Variants in TLK1 observed in about 807,000 individuals in gnomAD.
The protein encoded by TLK1 is tousled like kinase 1, also known as serine/threonine-protein kinase tousled-like 1.
In TLK1, 24 loss-of-function variants were observed where a neutral mutation model predicts 105.3. The ratio of observed to expected loss-of-function variants is 0.23; its 90% CI spans 0.17 to 0.32. The LOEUF is 0.32. Among genes scored for constraint, TLK1 ranks in the 10% least tolerant of loss-of-function variants. TLK1 has a pLI of 1.00. For missense variants in TLK1, 558 were observed against 910.5 expected, an observed-to-expected ratio of 0.61 and a Z score of 4.98; for synonymous variants, 321 against 310.4, an observed-to-expected ratio of 1.03 and a Z score of -0.36.
intron 1 of TLK1, among the ~76,000 whole-genome samples, chr2:171,132,018 A>G (rs1390327214): frequency 2.0e-5 from 3 of 152,110 alleles, no homozygotes; most frequent in Non-Finnish European, 4.4e-5. Context: ...CATCCATCCA[A>G]TTCTCAGTTT....
chr2:171,225,010 G>C (rs775361016), intron 1 of TLK1, among the ~76,000 whole-genome samples: 12 of 152,068 alleles, frequency 7.9e-5, no homozygotes, highest in Non-Finnish European at 1.6e-4. Flanking sequence ...CATATACAAA[G>C]GAATGAATTT....
At chr2:171,161,140 G>C (rs1029228987), upstream of TLK1, among the ~76,000 whole-genome samples, 32 of 147,964 alleles carry the variant, frequency 2.2e-4, 1 homozygote, top group Non-Finnish European at 4.5e-5. Context: ...CGGGAGCCCG[G>C]GGTTGCCGGA....
chr2:171,109,002 C>A lies in TLK1; in HGVS notation c.258+8737G>T, dbSNP rs578019188. On this transcript the variant is annotated intron_variant, in intron 2 of 20. Coordinates refer to ENST00000431350, the MANE Select transcript of TLK1 (RefSeq NM_012290.5). ...ATTAACAGTAAGTAGTATACAGTCA[C>A]AAAAAGAATAGAACAAGAGATACAC... 1.6e-3 allele frequency among the ~76,000 whole-genome samples: 240 copies of A among 152,182 alleles called. 2 individuals are homozygous for A. Among genetic ancestry groups the A allele is most frequent in the African/African-American group, 4.9e-3 (202 of 41,530 alleles).
chr2:171,026,051 G>T (rs895359942), intron 12 of TLK1, among the ~76,000 whole-genome samples: 1 of 152,016 alleles, frequency 6.6e-6, no homozygotes, highest in African/African-American at 2.4e-5. Context: ...CATGATGAAG[G>T]TCAAAGAAAA....
At chr2:171,171,833 T>C (rs2105302711) in intron 1 of TLK1, among the ~76,000 whole-genome samples, 1 of 152,260 alleles carries the variant, frequency 6.6e-6, no homozygotes, top group East Asian at 1.9e-4. Flanking sequence ...TCCCACACAC[T>C]GGTGGAAGTG....
At chr2:171,218,551 A>G (rs1220434343) in intron 1 of TLK1, among the ~76,000 whole-genome samples, 1 of 152,202 alleles carries the variant, frequency 6.6e-6, no homozygotes, top group Non-Finnish European at 1.5e-5. Context: ...TGGGTAATTT[A>G]TAAACAATGG....
At position 171,056,570 on chromosome 2, in the gene TLK1, A is replaced by T; in HGVS notation, c.454-4T>A. 7 of 1,609,180 alleles carry T rather than the reference A, an allele frequency of 4.4e-6. No individual in the cohort carries two copies. The highest frequency in any genetic ancestry group is 6.0e-6 in the Non-Finnish European group (7 of 1,176,452). On this transcript the variant is annotated splice_region_variant and splice_polypyrimidine_tract_variant and intron_variant, in intron 5 of 20. Transcript: ENST00000431350. ...TTGAGCCATTTCCACCCTGGTACTGAGTAAAAGAAAAAGGAAGCATTATTA... is the reference window on the plus strand; with the variant it reads ...TTGAGCCATTTCCACCCTGGTACTGTGTAAAAGAAAAAGGAAGCATTATTA...
intron 5 of TLK1, among the ~76,000 whole-genome samples, chr2:171,056,879 C>T (rs1220390422): frequency 6.6e-6 from 1 of 151,904 alleles, no homozygotes; most frequent in Non-Finnish European, 1.5e-5. Flanking sequence ...TTGTTTTCCC[C>T]CCAAATCTTA....
intron 1 of TLK1, among the ~76,000 whole-genome samples, chr2:171,210,030 A>G (rs1693583339): frequency 6.6e-6 from 1 of 152,156 alleles, no homozygotes; most frequent in Non-Finnish European, 1.5e-5. Context: ...CTATTAGCTA[A>G]TCAGGTAAAT....
At chr2:171,182,486 A>G (rs1692943945) in intron 1 of TLK1, among the ~76,000 whole-genome samples, 1 of 152,200 alleles carries the variant, frequency 6.6e-6, no homozygotes, top group Admixed American at 6.5e-5. Context: ...AGCACACTTC[A>G]GATAAGTCTA....
chr2:171,034,719 G>A (rs1686235343), intron 11 of TLK1, among the ~76,000 whole-genome samples: 1 of 152,102 alleles, frequency 6.6e-6, no homozygotes, highest in Non-Finnish European at 1.5e-5. Flanking sequence ...ATCTTTAAAT[G>A]GTTATTCGTA....
At chr2:171,103,357 CT>C (rs1230007144) in intron 2 of TLK1, among the ~76,000 whole-genome samples, 1 of 151,138 alleles carries the variant, frequency 6.6e-6, no homozygotes, top group Non-Finnish European at 1.5e-5. Flanking sequence ...TCACTGCAAT[CT>C]CCGCCGCCTC....
chr2:171,046,176 T>C lies in TLK1; in HGVS notation c.1167A>G (p.Gln389=). Reference sequence around the variant, plus strand: ...AAAAATTTTAAATGGAGGCTTACAGTTGTGGTAAATTTGGTCTAACAAAGG... The same window carrying C: ...AAAAATTTTAAATGGAGGCTTACAGCTGTGGTAAATTTGGTCTAACAAAGG... The part of the protein sequence containing the change: ...NDPFVRPNLP[Q]LLTLAEYHEQ... The change falls in exon 11 of 21, where the codon CAA becomes CAG. Residue 389 remains glutamine, a splice_region_variant and synonymous_variant. Coordinates refer to ENST00000431350, the MANE Select transcript of TLK1 (RefSeq NM_012290.5). 2 of 1,566,088 alleles carry C rather than the reference T, an allele frequency of 1.3e-6. No individual in the cohort carries two copies. Among genetic ancestry groups the C allele is most frequent in the South Asian group, 1.2e-5 (1 of 81,810 alleles).
chr2:171,158,464 C>T (rs146233219), intron 1 of TLK1, among the ~76,000 whole-genome samples: 281 of 152,284 alleles, frequency 1.8e-3, no homozygotes, highest in African/African-American at 6.3e-3. Context: ...CTCAGAAACT[C>T]ACAATCTAGA....
chr2:171,112,871 T>C (rs1272900283), intron 2 of TLK1, among the ~76,000 whole-genome samples: 3 of 152,108 alleles, frequency 2.0e-5, no homozygotes, highest in Admixed American at 1.3e-4. Context: ...GAGAACTGAA[T>C]AAACAGGGAG....
chr2:171,037,808 G>A (rs1193593118), intron 11 of TLK1, among the ~76,000 whole-genome samples: 1 of 152,130 alleles, frequency 6.6e-6, no homozygotes, highest in African/African-American at 2.4e-5. Flanking sequence ...AGATTTGCCT[G>A]TAACTGTCAT....
At chr2:171,217,609 T>C (rs1334597367) in intron 1 of TLK1, among the ~76,000 whole-genome samples, 1 of 152,216 alleles carries the variant, frequency 6.6e-6, no homozygotes, top group Non-Finnish European at 1.5e-5. Context: ...AGGACACCAC[T>C]GTCAGATGGC....
At chr2:170,994,606 T>C in intron 20 of TLK1, 1 of 475,866 alleles carries the variant, frequency 2.1e-6, no homozygotes. Flanking sequence ...GTTAAGTGCA[T>C]AGCACAAAGT....
At chr2:171,143,727 A>G (rs185035259) in intron 1 of TLK1, among the ~76,000 whole-genome samples, 106 of 152,238 alleles carry the variant, frequency 7.0e-4, no homozygotes, top group Non-Finnish European at 3.7e-4. Flanking sequence ...AGAAATTAAA[A>G]TGTTACACTG....
Sources: allele counts gnomAD v4.1 joint callset (sites outside exome capture counted in the v4.1 genomes callset), GRCh38; gene constraint gnomAD v4.1.1; transcripts MANE v1.5; gene names NCBI Gene and HGNC (gene_info 2026-07-23, HGNC 2026-07-21).